The following ADGRB3 variants were observed in gnomAD, a reference collection of about 807,000 sequenced individuals.
ADGRB3 encodes adhesion G protein-coupled receptor B3, also known as brain-specific angiogenesis inhibitor 3.
A neutral mutation model predicts 193.4 loss-of-function variants in ADGRB3; 37 were observed. The ratio of observed to expected loss-of-function variants is 0.19; its 90% CI spans 0.15 to 0.25. ADGRB3 has a LOEUF of 0.25. Among genes scored for constraint, ADGRB3 ranks in the 10% least tolerant of loss-of-function variants. The pLI is 1.00. For missense variants in ADGRB3, 1,637 were observed against 1,852.9 expected, an observed-to-expected ratio of 0.88 and a Z score of 2.14; for synonymous variants, 690 against 644.2, an observed-to-expected ratio of 1.07 and a Z score of -1.08.
chr6:68,987,292 A>G (rs1167195371), intron 10 of ADGRB3, among the ~76,000 whole-genome samples: 1 of 152,106 alleles, frequency 6.6e-6, no homozygotes, highest in East Asian at 1.9e-4. Flanking sequence ...GTTTTATTCA[A>G]CCTCCACTTG....
chr6:69,257,172 G>A (rs1291831820), intron 20 of ADGRB3, among the ~76,000 whole-genome samples: 2 of 151,996 alleles, frequency 1.3e-5, no homozygotes, highest in African/African-American at 4.8e-5. Context: ...CTCTTTTTTG[G>A]TTGTGTCTCT....
At chr6:69,056,710 C>G (rs865864710) in intron 15 of ADGRB3, among the ~76,000 whole-genome samples, 44 of 152,124 alleles carry the variant, frequency 2.9e-4, no homozygotes, top group Admixed American at 6.5e-5. Flanking sequence ...ATCCTTTTCT[C>G]ATTGTGTAGC....
chr6:69,195,982 G>T (rs527948753), intron 17 of ADGRB3, among the ~76,000 whole-genome samples: 2 of 152,062 alleles, frequency 1.3e-5, no homozygotes, highest in Non-Finnish European at 1.5e-5. Context: ...TCATGGAAAG[G>T]ACATAAATAT....
chr6:69,079,119 G>C (rs1255423812), intron 17 of ADGRB3, among the ~76,000 whole-genome samples: 1 of 151,894 alleles, frequency 6.6e-6, no homozygotes, highest in East Asian at 1.9e-4. Context: ...TATTTCCAAG[G>C]GTAATCTATT....
At chr6:68,767,452 T>C (rs1582183888) in intron 3 of ADGRB3, among the ~76,000 whole-genome samples, 1 of 152,306 alleles carries the variant, frequency 6.6e-6, no homozygotes, top group East Asian at 1.9e-4. Flanking sequence ...CATGATTATC[T>C]TATTAGATGG....
At chr6:68,812,678 T>C (rs2127376360) in intron 3 of ADGRB3, among the ~76,000 whole-genome samples, 1 of 152,166 alleles carries the variant, frequency 6.6e-6, no homozygotes, top group East Asian at 1.9e-4. Flanking sequence ...GTTCTTTTTT[T>C]TTTCTTTTTC....
intron 20 of ADGRB3, among the ~76,000 whole-genome samples, chr6:69,263,385 A>C (rs1766970491): frequency 6.6e-6 from 1 of 151,996 alleles, no homozygotes; most frequent in South Asian, 2.1e-4. Context: ...AAGAAGAGAT[A>C]TTTTCGCATG....
intron 3 of ADGRB3, among the ~76,000 whole-genome samples, chr6:68,840,971 G>A (rs190092925): frequency 2.0e-5 from 3 of 152,228 alleles, no homozygotes; most frequent in Admixed American, 1.3e-4. Flanking sequence ...AGAAAAAGTA[G>A]ATTTCAAGAC....
intron 20 of ADGRB3, among the ~76,000 whole-genome samples, chr6:69,316,007 AATTCTCTATAT>A (rs1387886205): frequency 6.6e-6 from 1 of 151,326 alleles, no homozygotes; most frequent in Non-Finnish European, 1.5e-5. Context: ...GCAATAGCAC[AATTCTCTATAT>A]TTTATATCCC....
chr6:69,386,530 C>G (rs78378432), intron 31 of ADGRB3, among the ~76,000 whole-genome samples: 1 of 152,202 alleles, frequency 6.6e-6, no homozygotes, highest in African/African-American at 2.4e-5. Context: ...AAACGTTCAA[C>G]ATCTCCCTAT....
intron 3 of ADGRB3, among the ~76,000 whole-genome samples, chr6:68,792,405 A>G (rs569450096): frequency 6.6e-6 from 1 of 152,304 alleles, no homozygotes; most frequent in African/African-American, 2.4e-5. Context: ...GCCTTGTTTC[A>G]GGGCCATTAT....
intron 3 of ADGRB3, among the ~76,000 whole-genome samples, chr6:68,742,491 T>C (rs563429041): frequency 3.3e-5 from 5 of 152,150 alleles, no homozygotes; most frequent in African/African-American, 4.8e-5. Context: ...TGAGTTGTTA[T>C]AGTTGAAAGG....
At chr6:69,365,890 A>G (rs1350637907) in intron 29 of ADGRB3, among the ~76,000 whole-genome samples, 1 of 152,124 alleles carries the variant, frequency 6.6e-6, no homozygotes, top group Admixed American at 6.6e-5. Context: ...GATAATGTAC[A>G]TGAAAAACCT....
chr6:68,857,791 T>A (rs376442558), intron 3 of ADGRB3, among the ~76,000 whole-genome samples: 105 of 152,226 alleles, frequency 6.9e-4, no homozygotes, highest in African/African-American at 2.4e-3. Context: ...AGGGGCAGAA[T>A]TATATGATCT....
intron 28 of ADGRB3, among the ~76,000 whole-genome samples, chr6:69,356,773 C>T (rs1216549898): frequency 6.6e-6 from 1 of 152,098 alleles, no homozygotes; most frequent in East Asian, 1.9e-4. Context: ...TGAAGAGAAG[C>T]TCTGCAGCAC....
intron 3 of ADGRB3, among the ~76,000 whole-genome samples, chr6:68,884,240 C>T (rs192203145): frequency 1.2e-3 from 186 of 152,282 alleles, no homozygotes; most frequent in African/African-American, 4.3e-3. Context: ...ATGTAAGGCA[C>T]AGTGCCAGGC....
intron 24 of ADGRB3, among the ~76,000 whole-genome samples, chr6:69,335,379 G>A (rs1022734363): frequency 6.6e-6 from 1 of 152,042 alleles, no homozygotes; most frequent in African/African-American, 2.4e-5. Flanking sequence ...AAAACTGAGT[G>A]GGTGTTTTTC....
At chr6:68,981,512 T>C (rs1320593747) in intron 10 of ADGRB3, among the ~76,000 whole-genome samples, 1 of 151,732 alleles carries the variant, frequency 6.6e-6, no homozygotes, top group Non-Finnish European at 1.5e-5. Context: ...AACTTTCAAT[T>C]GTATTGACTT....
At chr6:69,038,152 T>C (rs1770929014) in intron 13 of ADGRB3, among the ~76,000 whole-genome samples, 1 of 152,182 alleles carries the variant, frequency 6.6e-6, no homozygotes, top group Non-Finnish European at 1.5e-5. Flanking sequence ...TTATAACAGT[T>C]TTCATTGCCA....
Sources: gnomAD v4.1 joint callset for allele counts (sites outside exome capture counted in the v4.1 genomes callset) on GRCh38, gnomAD v4.1.1 for gene constraint, MANE v1.5 for transcripts, NCBI Gene and HGNC (gene_info 2026-07-23, HGNC 2026-07-21) for gene names.